The following MYRF variants were observed in gnomAD, a reference collection of about 807,000 sequenced individuals.
The protein encoded by MYRF is myelin gene regulatory factor.
A neutral mutation model predicts 126.3 loss-of-function variants in MYRF; 16 were observed. The ratio of observed to expected loss-of-function variants is 0.13; its 90% CI spans 0.09 to 0.19. The LOEUF is 0.19. Among genes scored for constraint, MYRF ranks in the 10% least tolerant of loss-of-function variants. MYRF has a pLI of 1.00. For synonymous variants in MYRF, 608 were observed against 635.3 expected, an observed-to-expected ratio of 0.96 and a Z score of 0.65; for missense variants, 1,104 against 1,547.0, an observed-to-expected ratio of 0.71 and a Z score of 4.80.
At position 61,786,356 on chromosome 11, in the gene MYRF, A is replaced by C; in HGVS notation, c.*213A>C. The C allele has an allele frequency of 1.7e-6, 1 of 594,764 alleles. No homozygotes were observed. The highest frequency in any genetic ancestry group is 3.0e-6 in the Non-Finnish European group (1 of 333,698). The allele number at this position is 594,764 out of a possible 1,614,324, so 36.8% of individuals were successfully genotyped here. A position where few individuals can be genotyped will look rare whatever the true frequency, so the allele number is the denominator to read the frequency against. ...CACAGAGGGAACCTGAGAGCCAGAG[A>C]CTTCTTGGGCCTTCCTGCCTGCCAC... is the stretch of plus-strand genomic sequence containing the variant. On this transcript the variant is annotated 3_prime_UTR_variant, in exon 27 of 27. Coordinates refer to ENST00000278836, the MANE Select transcript of MYRF (RefSeq NM_001127392.3). The surrounding 1 kb of genome is among the most constrained non-coding windows in gnomAD (Gnocchi z 4.5).
chr11:61,767,001 A>G (rs1425624867), intron 3 of MYRF: 1 of 456,420 alleles, frequency 2.2e-6, no homozygotes, highest in Non-Finnish European at 4.4e-6. Flanking sequence ...TCGGTAACCC[A>G]TGGCCTCAGT....
In MYRF at chr11:61,757,751, T is replaced by C. The variant is rs1591074945; in HGVS notation, c.46+4961T>C. The C allele has an allele frequency of 2.9e-6, 1 of 349,556 alleles. No individual in the cohort carries two copies. Among genetic ancestry groups the C allele is most frequent in the East Asian group, 7.5e-5 (1 of 13,350 alleles). The allele number at this position is 349,556 out of a possible 1,614,324, so 21.7% of individuals were successfully genotyped here. On this transcript the variant is annotated intron_variant, in intron 1 of 26. Transcript: ENST00000278836. The surrounding 1 kb of genome is among the most constrained non-coding windows in gnomAD (Gnocchi z 4.7). Reference sequence around the variant, plus strand: ...GCACCCAGGCTCTTTGCACGTTGTCTTCCTGGAGTCCTGGGGTGCAGTGGA... The same window carrying C: ...GCACCCAGGCTCTTTGCACGTTGTCCTCCTGGAGTCCTGGGGTGCAGTGGA...
At chr11:61,779,598 G>T in intron 16 of MYRF, 28 bp downstream of exon 16, 2 of 1,471,368 alleles carry the variant, frequency 1.4e-6, no homozygotes, top group Non-Finnish European at 1.8e-6. Context: ...TGGCAGGCGG[G>T]TTGGAAAGGG....
chr11:61,771,494 C>T lies in MYRF; in HGVS notation c.741-6C>T. On this transcript the variant is annotated splice_region_variant and splice_polypyrimidine_tract_variant and intron_variant, in intron 5 of 26. Transcript: ENST00000278836. Reference sequence around the variant, plus strand: ...GCCCCCACGGCGCACACTTCTGTTTCCCCAGGCTCCCTACACACCCCTCCA... The same window carrying T: ...GCCCCCACGGCGCACACTTCTGTTTTCCCAGGCTCCCTACACACCCCTCCA... 1 of 1,608,544 alleles carries T rather than the reference C, an allele frequency of 6.2e-7. No individual in the cohort carries two copies. The highest frequency in any genetic ancestry group is 1.3e-5 in the African/African-American group (1 of 74,870).
chr11:61,785,305 T>C lies in MYRF; in HGVS notation c.3301-495T>C, dbSNP rs1404995717. The C allele has an allele frequency of 3.7e-5, 6 of 163,834 alleles. No homozygotes were observed. In the South Asian group the frequency reaches 1.0e-3, roughly 28 times the overall value. The allele number at this position is 163,834 out of a possible 1,614,324, so 10.1% of individuals were successfully genotyped here. ...ACGCACAGCCAAAGCCTCAGGTAGA[T>C]GGGCAAGCTGCCTGCAGCCAGGCTG... On this transcript the variant is annotated intron_variant, in intron 25 of 26. Coordinates refer to ENST00000278836, the MANE Select transcript of MYRF (RefSeq NM_001127392.3).
Position 61,757,164 on chromosome 11 carries a change from G to A in MYRF, c.46+4374G>A. ...TGCCTTGGGTGCTGGAGTATGTGGG[G>A]CCTCCTCTCCTATCTCCAGGCCTTC... On this transcript the variant is annotated intron_variant, in intron 1 of 26. Transcript: ENST00000278836. This position sits in a 1 kb window ranked among gnomAD's most constrained non-coding sequence, Gnocchi z 4.7. The A allele has an allele frequency of 2.2e-6, 1 of 456,888 alleles. No homozygotes were observed. Among genetic ancestry groups the A allele is most frequent in the South Asian group, 1.5e-5 (1 of 64,560 alleles). 28.3% of individuals were successfully genotyped at this position (456,888 alleles called of 1,614,324 possible).
intron 26 of MYRF, 69 bp downstream of exon 26, chr11:61,785,943 T>A: frequency 6.4e-7 from 1 of 1,573,252 alleles, no homozygotes; most frequent in Non-Finnish European, 8.7e-7. Context: ...GCTTGAGGAA[T>A]GGGGGGTTTG....
At chr11:61,775,492 A>T (rs549241947) in intron 8 of MYRF, among the ~76,000 whole-genome samples, 6 of 152,254 alleles carry the variant, frequency 3.9e-5, no homozygotes, top group Non-Finnish European at 7.4e-5. Flanking sequence ...TTTTGAGTCT[A>T]TGAGCTCCCT....
At chr11:61,772,077 C>T (rs1187625662) in intron 7 of MYRF, 125 bp downstream of exon 7, 9 of 1,385,086 alleles carry the variant, frequency 6.5e-6, no homozygotes, top group Non-Finnish European at 7.8e-6. Context: ...AGCAAACAGG[C>T]TCAGGGAAGA....
At position 61,771,998 on chromosome 11, in the gene MYRF, T is replaced by G. The variant is rs1419082814; in HGVS notation, c.1115+46T>G. 3 of 1,608,462 alleles carry G rather than the reference T, an allele frequency of 1.9e-6. No individual in the cohort carries two copies. In the South Asian group the frequency reaches 3.3e-5, roughly 18 times the overall value. Reference sequence around the variant, plus strand: ...CCCACTCCTCCAGGCCCCCCCACCTTGGGACGCCCCAGCCCAGGACCCCAT... The same window carrying G: ...CCCACTCCTCCAGGCCCCCCCACCTGGGGACGCCCCAGCCCAGGACCCCAT... On this transcript the variant is annotated intron_variant, in intron 7 of 26. Transcript: ENST00000278836.
intron 1 of MYRF, among the ~76,000 whole-genome samples, chr11:61,764,338 A>G (rs79519287): frequency 0.04 from 6,114 of 152,282 alleles, 176 homozygotes; most frequent in Non-Finnish European, 0.058. Context: ...AGCACCCACT[A>G]AAGTGGCTGG....
chr11:61,777,243 T>A lies in MYRF; in HGVS notation c.1591-21T>A, dbSNP rs1565299029. 9 of 1,607,538 alleles carry A rather than the reference T, an allele frequency of 5.6e-6. No homozygotes were observed. The highest frequency in any genetic ancestry group is 7.6e-6 in the Non-Finnish European group (9 of 1,178,918). On this transcript the variant is annotated intron_variant, in intron 11 of 26. Transcript: ENST00000278836. The surrounding 1 kb of genome is among the most constrained non-coding windows in gnomAD (Gnocchi z 8.8). ...TCCCCTCCCTATCCCCCAGGACTGA[T>A]CCAGCCCCAACTCGCGGTAGGCCTC...
Position 61,781,568 on chromosome 11 carries a change from C to T in MYRF, c.2765-5C>T, listed in dbSNP as rs2066548529. On this transcript the variant is annotated splice_polypyrimidine_tract_variant and splice_region_variant and intron_variant, in intron 21 of 26. Coordinates refer to ENST00000278836, the MANE Select transcript of MYRF (RefSeq NM_001127392.3). The stretch of plus-strand genomic sequence containing the variant: ...TTCTTAGCCTGTGCCTGGTTCTATC[C>T]ACAGGCCCCAGCCAGATGGCCCTTC... 1.9e-6 allele frequency: 3 copies of T among 1,612,382 alleles called. No individual in the cohort carries two copies. The South Asian group carries it at 3.3e-5, about 18-fold the overall frequency.
At chr11:61,760,238 A>G (rs181935125) in intron 1 of MYRF, among the ~76,000 whole-genome samples, 3 of 152,270 alleles carry the variant, frequency 2.0e-5, no homozygotes, top group African/African-American at 7.2e-5. Context: ...AAGTGCTGGG[A>G]TTACAGGTGT....
chr11:61,779,758 G>A (rs976614774), intron 16 of MYRF, 84 bp from the exon 17 acceptor site: 24 of 1,368,224 alleles, frequency 1.8e-5, no homozygotes, highest in East Asian at 9.7e-5. Context: ...CCCCTTAACC[G>A]CTCCTCCGAC....
chr11:61,775,550 C>T (rs1024680873), intron 8 of MYRF, among the ~76,000 whole-genome samples: 3 of 152,144 alleles, frequency 2.0e-5, no homozygotes, highest in African/African-American at 7.2e-5. Flanking sequence ...GTGAGCCAGG[C>T]ATGGTACCTT....
In MYRF at chr11:61,783,801, G is replaced by A; in HGVS notation, c.3120-50G>A. The A allele has an allele frequency of 1.3e-6, 2 of 1,527,414 alleles. No homozygotes were observed. Among genetic ancestry groups the A allele is most frequent in the Admixed American group, 1.9e-5 (1 of 51,654 alleles). 94.6% of individuals were successfully genotyped at this position (1,527,414 alleles called of 1,614,324 possible). A position where few individuals can be genotyped will look rare whatever the true frequency, so the allele number is the denominator to read the frequency against. On this transcript the variant is annotated intron_variant, in intron 23 of 26. Coordinates refer to ENST00000278836, the MANE Select transcript of MYRF (RefSeq NM_001127392.3). The surrounding 1 kb of genome is among the most constrained non-coding windows in gnomAD (Gnocchi z 4.6). ...GGGCTGAGGAGTCCCTGGTGGGGGT[G>A]GGGGGTGGCAGGGTACCCTCAGGCT...
intron 8 of MYRF, 100 bp downstream of exon 8, chr11:61,774,262 C>T (rs564320630): frequency 6.2e-6 from 7 of 1,121,582 alleles, no homozygotes; most frequent in South Asian, 4.8e-5. Context: ...CTGTGGCTCA[C>T]GCCTGTAATC....
rs2066423041 is a variant in MYRF at position 61,777,629 on chromosome 11, T to G, written c.1792-105T>G. The G allele has an allele frequency of 1.5e-6, 2 of 1,304,588 alleles. No individual in the cohort carries two copies. The highest frequency in any genetic ancestry group is 2.1e-6 in the Non-Finnish European group (2 of 939,996). The allele number at this position is 1,304,588 out of a possible 1,614,324, so 80.8% of individuals were successfully genotyped here. A position where few individuals can be genotyped will look rare whatever the true frequency, so the allele number is the denominator to read the frequency against. ...CGATCTAACCACTCCAGTGGTGGGG[T>G]CTCCTCTCCACACTGCAGCCTCCAG... On this transcript the variant is annotated intron_variant, in intron 12 of 26. Transcript: ENST00000278836. The surrounding 1 kb of genome is among the most constrained non-coding windows in gnomAD (Gnocchi z 8.8).
Sources: gnomAD v4.1 joint callset for allele counts (sites outside exome capture counted in the v4.1 genomes callset) on GRCh38, gnomAD v4.1.1 for gene constraint, Gnocchi (gnomAD v3.1) non-coding constraint, MANE v1.5 for transcripts, NCBI Gene and HGNC (gene_info 2026-07-23, HGNC 2026-07-21) for gene names.